GRIN3B: variants seen among roughly 807,000 people sequenced by gnomAD.
The protein encoded by GRIN3B is glutamate ionotropic receptor NMDA type subunit 3B, also known as glutamate receptor ionotropic, NMDA 3B.
In GRIN3B, 77 loss-of-function variants were observed where a neutral mutation model predicts 66.0. The ratio of observed to expected loss-of-function variants is 1.17; its 90% CI spans 0.97 to 1.41. The LOEUF is 1.41. GRIN3B is among the 40% of genes most tolerant of loss of function. GRIN3B has a pLI of 0.00. For missense variants in GRIN3B, 1,787 were observed against 1,564.5 expected (o/e 1.14, Z -2.40); for synonymous variants, 823 against 749.7 (o/e 1.10, Z -1.60).
In GRIN3B at chr19:1,009,353, C is replaced by G; in HGVS notation, c.2883C>G (p.Val961=). The change falls in exon 9 of 9, where the codon GTC becomes GTG. Residue 961 remains valine, a synonymous_variant. Transcript: ENST00000234389. ...AGGCTGCGCCGCGAGAGGGCCCCGT[C>G]TGGCTGTGCTCCTACGGCCGCCCGC... ...EAEAAPREGP[V]WLCSYGRPPA... 7.2e-7 allele frequency: 1 copy of G among 1,390,278 alleles called. No homozygotes were observed. Among genetic ancestry groups the G allele is most frequent in the Non-Finnish European group, 9.2e-7 (1 of 1,081,522 alleles). 86.1% of individuals were successfully genotyped at this position (1,390,278 alleles called of 1,614,324 possible).
At position 1,007,109 on chromosome 19, in the gene GRIN3B, T is replaced by C. The variant is rs904527965; in HGVS notation, c.2053-519T>C. On this transcript the variant is annotated intron_variant, in intron 3 of 8. Coordinates refer to ENST00000234389, the MANE Select transcript of GRIN3B (RefSeq NM_138690.3). The surrounding 1 kb of genome is among the most constrained non-coding windows in gnomAD (Gnocchi z 4.4). ...GTTCGACGCTGGGCCCCAACCTGGGTAGGAGCTGTGGAGGGGTGAGCAGTG... is the reference window on the plus strand; with the variant it reads ...GTTCGACGCTGGGCCCCAACCTGGGCAGGAGCTGTGGAGGGGTGAGCAGTG... Among the ~76,000 whole-genome samples the C allele has an allele frequency of 2.0e-5, 3 of 151,946 alleles. No homozygotes were observed. Among genetic ancestry groups the C allele is most frequent in the Admixed American group, 6.5e-5 (1 of 15,274 alleles).
chr19:1,009,463 G>C lies in GRIN3B; in HGVS notation c.2993G>C (p.Arg998Pro). 1 of 1,478,818 alleles carries C rather than the reference G, an allele frequency of 6.8e-7. No individual in the cohort carries two copies. Among genetic ancestry groups the C allele is most frequent in the Non-Finnish European group, 8.9e-7 (1 of 1,121,362 alleles). 91.6% of individuals were successfully genotyped at this position (1,478,818 alleles called of 1,614,324 possible). ...ATCGAAGTCGCGCGTGAGCGGCTCC[G>C]CCAGGCCCTGGTGCGGCGCGGCCAG... ...RRIEVARERL[R>P]QALVRRGQLL... Residue 998 changes from arginine (R) to proline (P), a missense_variant, in exon 9 of 9, where the codon CGC becomes CCC. Physicochemically the swap from Arg to Pro is moderately radical, Grantham distance 103. Coordinates refer to ENST00000234389, the MANE Select transcript of GRIN3B (RefSeq NM_138690.3).
chr19:1,008,849 G>A lies in GRIN3B; in HGVS notation c.2632-8G>A, dbSNP rs1246326676. 6.2e-7 allele frequency: 1 copy of A among 1,606,308 alleles called. No individual in the cohort carries two copies. Among genetic ancestry groups the A allele is most frequent in the Middle Eastern group, 1.7e-4 (1 of 6,038 alleles). ...CTCCTCGCCAACCGGGTCTGTCTGG[G>A]GTCTTAGAAAATCCACCGCGCCCTC... is the stretch of plus-strand genomic sequence containing the variant. On this transcript the variant is annotated splice_region_variant and splice_polypyrimidine_tract_variant and intron_variant, in intron 7 of 8. Coordinates refer to ENST00000234389, the MANE Select transcript of GRIN3B (RefSeq NM_138690.3).
Position 1,009,243 on chromosome 19 carries a change from C to T in GRIN3B, c.2773C>T (p.Arg925Cys), listed in dbSNP as rs1270440714. 2 of 1,442,324 alleles carry T rather than the reference C, an allele frequency of 1.4e-6. No individual in the cohort carries two copies. Among genetic ancestry groups the T allele is most frequent in the African/African-American group, 1.5e-5 (1 of 66,318 alleles). The allele number at this position is 1,442,324 out of a possible 1,614,324, so 89.3% of individuals were successfully genotyped here. Residue 925 changes from arginine to cysteine, a missense_variant, in exon 9 of 9, where the codon CGC (arginine) becomes TGC (cysteine). Coordinates refer to ENST00000234389, the MANE Select transcript of GRIN3B (RefSeq NM_138690.3). ...PTAPEGWKRA[R>C]RAVDKERRVR... The stretch of plus-strand genomic sequence containing the variant: ...GGCTCCGGAGGGCTGGAAACGGGCG[C>T]GCCGGGCCGTGGACAAGGAGCGCCG...
rs1294719776 is a variant in GRIN3B, at chr19:1,009,400, C to A, written c.2930C>A (p.Ala977Asp). Residue 977 changes from alanine to aspartate, a missense_variant, in exon 9 of 9, where the codon GCC becomes GAC. By Grantham distance (126) the Ala-to-Asp change is moderately radical. Transcript: ENST00000234389. ...CCGCCCGCCGCAAGGCCCACGGGGG[C>A]CCCCCAGCCCGGGGAGCTGCAGGAG... ...GRPPAARPTG[A>D]PQPGELQELE... 1.8e-5 allele frequency: 25 copies of A among 1,409,136 alleles called. No homozygotes were observed. In the East Asian group the frequency reaches 1.9e-4, roughly 10 times the overall value. The allele number at this position is 1,409,136 out of a possible 1,614,324, so 87.3% of individuals were successfully genotyped here.
chr19:1,008,699 C>A lies in GRIN3B; in HGVS notation c.2548C>A (p.Leu850Met). 6.2e-7 allele frequency: 1 copy of A among 1,607,792 alleles called. No individual in the cohort carries two copies. The highest frequency in any genetic ancestry group is 8.5e-7 in the Non-Finnish European group (1 of 1,179,642). ...LGLGSALLSS[L>M]GEHAFFRLAL... ...CCTGGGCAGCGCTCTGCTCAGCTCGCTGGGCGAGCACGCCTTCTTCCGCCT... is the reference window on the plus strand; with the variant it reads ...CCTGGGCAGCGCTCTGCTCAGCTCGATGGGCGAGCACGCCTTCTTCCGCCT... The change falls in exon 7 of 9, where the codon CTG (leucine) becomes ATG (methionine). Residue 850 changes from leucine (L) to methionine (M), a missense_variant. Transcript: ENST00000234389.
Position 1,000,858 on chromosome 19 carries a change from G to C in GRIN3B, c.421G>C (p.Ala141Pro), listed in dbSNP as rs2038678230. The change falls in exon 1 of 9, where the codon GCC becomes CCC. Residue 141 changes from alanine (A) to proline (P), a missense_variant. Ala to Pro is a conservative substitution (Grantham distance 27). Transcript: ENST00000234389. ...LRREARAPLG[A>P]PNPFHLQLHW... ...GCGGGAGGCGCGCGCGCCCCTCGGAGCCCCGGTACGCGGGACGCCCGGAGT... is the reference window on the plus strand; with the variant it reads ...GCGGGAGGCGCGCGCGCCCCTCGGACCCCCGGTACGCGGGACGCCCGGAGT... 5 of 1,412,528 alleles carry C rather than the reference G, an allele frequency of 3.5e-6. No homozygotes were observed. Among genetic ancestry groups the C allele is most frequent in the Non-Finnish European group, 2.8e-6 (3 of 1,087,932 alleles). The allele number at this position is 1,412,528 out of a possible 1,614,324, so 87.5% of individuals were successfully genotyped here. A position where few individuals can be genotyped will look rare whatever the true frequency, so the allele number is the denominator to read the frequency against.
chr19:1,006,659 C>G (rs1192598618), intron 3 of GRIN3B, among the ~76,000 whole-genome samples: 1 of 152,156 alleles, frequency 6.6e-6, no homozygotes, highest in Admixed American at 6.5e-5. Context: ...TGTCTCTGAA[C>G]TTTTGGATCT....
At chr19:1,006,531 T>TC (rs974155883) in intron 3 of GRIN3B, among the ~76,000 whole-genome samples, 59 of 152,064 alleles carry the variant, frequency 3.9e-4, no homozygotes, top group African/African-American at 1.4e-3. Context: ...AACCTCCACC[T>TC]CCCAGGTTCA....
rs937340691 is a variant in GRIN3B, at chr19:1,005,852, G to A, written c.2052+299G>A. Among the ~76,000 whole-genome samples the A allele has an allele frequency of 6.6e-6, 1 of 151,836 alleles. No homozygotes were observed. The highest frequency in any genetic ancestry group is 1.5e-5 in the Non-Finnish European group (1 of 67,966). On this transcript the variant is annotated intron_variant, in intron 3 of 8. Transcript: ENST00000234389. The surrounding 1 kb of genome is among the most constrained non-coding windows in gnomAD (Gnocchi z 5.2). Reference sequence around the variant, plus strand: ...CCCCATCTTTACTAAAAAATACAAAGAATTAGCTGAGCATGGTGGTGGGCA... The same window carrying A: ...CCCCATCTTTACTAAAAAATACAAAAAATTAGCTGAGCATGGTGGTGGGCA...
In GRIN3B at chr19:1,004,773, A is replaced by G; in HGVS notation, c.1272A>G (p.Glu424=). ...WPKLRVVTLL[E]HPFVFARDPD... ...AGCTGCGTGTGGTAACGCTGTTGGA[A>G]CACCCATTTGTGTTTGCCCGTGATC... is the stretch of plus-strand genomic sequence containing the variant. The change falls in exon 3 of 9, where the codon GAA becomes GAG. Residue 424 remains glutamate (E), a synonymous_variant. Transcript: ENST00000234389. 6.2e-7 allele frequency: 1 copy of G among 1,612,562 alleles called. No homozygotes were observed. The highest frequency in any genetic ancestry group is 8.5e-7 in the Non-Finnish European group (1 of 1,179,428).
chr19:1,006,387 C>T (rs11670280), intron 3 of GRIN3B, among the ~76,000 whole-genome samples: 9,668 of 152,044 alleles, frequency 0.064, 371 homozygotes, highest in South Asian at 0.11. Flanking sequence ...CCTCGTGATC[C>T]GCCCACCTCG....
At chr19:1,003,771 C>A (rs35835762) in intron 2 of GRIN3B, 49 bp downstream of exon 2, 1 of 1,304,762 alleles carries the variant, frequency 7.7e-7, no homozygotes, top group Non-Finnish European at 1.0e-6. Flanking sequence ...GCCACTGAGT[C>A]TGCACTGCTC....
intron 1 of GRIN3B, among the ~76,000 whole-genome samples, chr19:1,001,132 G>C (rs1400271071): frequency 6.6e-6 from 1 of 152,038 alleles, no homozygotes; most frequent in Non-Finnish European, 1.5e-5. Flanking sequence ...CGCCCCTGCA[G>C]ACCCCTTCCC....
chr19:1,001,111 C>A (rs145960929), intron 1 of GRIN3B, among the ~76,000 whole-genome samples: 1 of 152,156 alleles, frequency 6.6e-6, no homozygotes, highest in Admixed American at 6.5e-5. Flanking sequence ...GCTCCAGGGA[C>A]GCCCCTGGAA....
In GRIN3B at chr19:1,000,536, C is replaced by CG; in HGVS notation, c.104dup (p.Ser36LeufsTer194). The CG allele has an allele frequency of 8.6e-7, 1 of 1,161,388 alleles. No individual in the cohort carries two copies. The highest frequency in any genetic ancestry group is 1.1e-6 in the Non-Finnish European group (1 of 943,052). The allele number at this position is 1,161,388 out of a possible 1,614,324, so 71.9% of individuals were successfully genotyped here. A position where few individuals can be genotyped will look rare whatever the true frequency, so the allele number is the denominator to read the frequency against. ...AGCCGTGCGGCGTCCTGGCGCGCCT[C>CG]GGGGGCTCCGTGCGCCTGGGCGCCC... is the stretch of plus-strand genomic sequence containing the variant. On this transcript the variant is annotated frameshift_variant, in exon 1 of 9. Transcript: ENST00000234389. LOFTEE classifies it high-confidence loss of function.
Position 1,009,688 on chromosome 19 carries a change from C to T in GRIN3B, c.*86C>T. 9.4e-7 allele frequency: 1 copy of T among 1,061,490 alleles called. No homozygotes were observed. Among genetic ancestry groups the T allele is most frequent in the Non-Finnish European group, 1.3e-6 (1 of 799,560 alleles). The allele number at this position is 1,061,490 out of a possible 1,614,324, so 65.8% of individuals were successfully genotyped here. ...AGACAGTTTATTCTATATACAAACA[C>T]AATTTTGTACACTGCAATTAAATAG... On this transcript the variant is annotated 3_prime_UTR_variant, in exon 9 of 9. Transcript: ENST00000234389.
At position 1,004,503 on chromosome 19, in the gene GRIN3B, C is replaced by T. The variant is rs781049732; in HGVS notation, c.1020-18C>T. The T allele has an allele frequency of 2.4e-5, 37 of 1,551,974 alleles. No individual in the cohort carries two copies. In the South Asian group the frequency reaches 4.2e-4, roughly 18 times the overall value. The stretch of plus-strand genomic sequence containing the variant: ...GTGTGAACTTCGACACCTGACACCC[C>T]CCCCGCCCTGCCCCTAGGTTCCTGG... On this transcript the variant is annotated intron_variant, in intron 2 of 8. Coordinates refer to ENST00000234389, the MANE Select transcript of GRIN3B (RefSeq NM_138690.3).
intron 1 of GRIN3B, among the ~76,000 whole-genome samples, chr19:1,001,473 C>G (rs1226264665): frequency 4.0e-5 from 6 of 151,884 alleles, no homozygotes; most frequent in African/African-American, 1.2e-4. Context: ...TCTTCTAACC[C>G]CACCCCAGGC....
Sources: allele counts gnomAD v4.1 joint callset (sites outside exome capture counted in the v4.1 genomes callset), GRCh38; gene constraint gnomAD v4.1.1; non-coding constraint Gnocchi (gnomAD v3.1); transcripts MANE v1.5; gene names NCBI Gene and HGNC (gene_info 2026-07-23, HGNC 2026-07-21).